The following SLC11A1 variants were observed in gnomAD, a reference collection of about 807,000 sequenced individuals.
SLC11A1 encodes solute carrier family 11 member 1.
In SLC11A1, 59 loss-of-function variants were observed where a neutral mutation model predicts 63.2. The ratio of observed to expected loss-of-function variants is 0.93; its 90% CI spans 0.76 to 1.16. The LOEUF (loss-of-function observed/expected upper bound fraction) is 1.16. SLC11A1 is among the 50% of genes most tolerant of loss of function. SLC11A1 has a pLI of 0.00. For synonymous variants in SLC11A1, 305 were observed against 307.8 expected (o/e 0.99, Z 0.09); for missense variants, 688 against 730.7 (o/e 0.94, Z 0.67).
In SLC11A1 at chr2:218,391,303, TG is replaced by T; in HGVS notation, c.1044+20del. ...TTACCAGGGGGTGAGCGCGGGTGGGTGGGGAGGGCGTGACCCAGAGAGGCTC... is the reference window on the plus strand; with the variant it reads ...TTACCAGGGGGTGAGCGCGGGTGGGTGGGAGGGCGTGACCCAGAGAGGCTC... On this transcript the variant is annotated intron_variant, in intron 10 of 14. Transcript: ENST00000233202. 3.4e-6 allele frequency: 1 copy of T among 293,186 alleles called. No individual in the cohort carries two copies. The highest frequency in any genetic ancestry group is 2.4e-5 in the South Asian group (1 of 41,866). The allele number at this position is 293,186 out of a possible 1,614,324, so 18.2% of individuals were successfully genotyped here. A position where few individuals can be genotyped will look rare whatever the true frequency, so the allele number is the denominator to read the frequency against.
Position 218,382,436 on chromosome 2 carries a change from G to A in SLC11A1, c.7+61G>A, listed in dbSNP as rs373961718. On this transcript the variant is annotated intron_variant, in intron 1 of 14. Coordinates refer to ENST00000233202, the MANE Select transcript of SLC11A1 (RefSeq NM_000578.4). The stretch of plus-strand genomic sequence containing the variant: ...GGGGTGGAGTGGAGGAGATCACTAG[G>A]CTGGTGGAGACTTGAGGAAGCAAGA... The A allele has an allele frequency of 5.9e-4, 945 of 1,592,828 alleles. 2 individuals carry two copies. The highest frequency in any genetic ancestry group is 7.4e-4 in the Non-Finnish European group (857 of 1,161,972).
intron 4 of SLC11A1, among the ~76,000 whole-genome samples, chr2:218,385,834 C>T (rs1256370426): frequency 2.0e-5 from 3 of 152,192 alleles, no homozygotes; most frequent in African/African-American, 7.2e-5. Flanking sequence ...GGGGAGGCAT[C>T]AGCTCAGGAA....
chr2:218,387,317 G>A, intron 6 of SLC11A1, 87 bp downstream of exon 6: 8 of 1,287,962 alleles, frequency 6.2e-6, no homozygotes, highest in Non-Finnish European at 8.7e-6. Context: ...CAGCCTGGGA[G>A]CGCACCTGAG....
chr2:218,384,790 G>A lies in SLC11A1; in HGVS notation c.274-357G>A, dbSNP rs916318510. On this transcript the variant is annotated intron_variant, in intron 3 of 14. Transcript: ENST00000233202. This position sits in a 1 kb window ranked among gnomAD's most constrained non-coding sequence, Gnocchi z 4.0. ...TTTAGTAGAGATGGGGTTTCACTGT[G>A]TGGGCCAGGCTGGTCTTGAACTCCT... 6 of 280,148 alleles carry A rather than the reference G, an allele frequency of 2.1e-5. No individual in the cohort carries two copies. The highest frequency in any genetic ancestry group is 1.1e-4 in the African/African-American group (5 of 43,842). The allele number at this position is 280,148 out of a possible 1,614,324, so 17.4% of individuals were successfully genotyped here.
At chr2:218,388,323 TTGCCAC>T (rs1696230906) in intron 8 of SLC11A1, 1 of 202,158 alleles carries the variant, frequency 4.9e-6, no homozygotes, top group African/African-American at 2.5e-5. Context: ...AGCCGAGATC[TTGCCAC>T]TGCACCACTC....
Position 218,394,990 on chromosome 2 carries a change from G to A in SLC11A1, c.1608G>A (p.Leu536=), listed in dbSNP as rs1277292355. ...CCCACAGCTCCCACCACCACTTCCT[G>A]TATGGGCTCCTTGAAGAGGACCAGA... ...FLAHSSHHHF[L]YGLLEEDQKG... is the part of the protein sequence containing the mutation. Residue 536 remains leucine, a synonymous_variant, in exon 15 of 15, where the codon CTG becomes CTA. Transcript: ENST00000233202. The A allele has an allele frequency of 6.2e-7, 1 of 1,612,774 alleles. No individual in the cohort carries two copies. Among genetic ancestry groups the A allele is most frequent in the Non-Finnish European group, 8.5e-7 (1 of 1,179,536 alleles).
Position 218,383,014 on chromosome 2 carries a change from C to T in SLC11A1, c.62C>T (p.Pro21Leu), listed in dbSNP as rs770894617. The T allele has an allele frequency of 5.6e-6, 9 of 1,611,388 alleles. No homozygotes were observed. Among genetic ancestry groups the T allele is most frequent in the African/African-American group, 1.4e-5 (1 of 72,886 alleles). Residue 21 changes from proline to leucine, a missense_variant, in exon 2 of 15, where the codon CCG (proline) becomes CTG (leucine). Coordinates refer to ENST00000233202, the MANE Select transcript of SLC11A1 (RefSeq NM_000578.4). The stretch of plus-strand genomic sequence containing the variant: ...TCCAGCTATGGTTCCATCTCCAGCC[C>T]GACCAGCCCGACCAGCCCAGGGCCA... ...SGSSYGSISS[P>L]TSPTSPGPQQ...
intron 4 of SLC11A1, 134 bp from the exon 5 acceptor site, chr2:218,386,501 C>T (rs1270648732): frequency 3.2e-6 from 2 of 629,452 alleles, no homozygotes; most frequent in Non-Finnish European, 5.7e-6. Flanking sequence ...CCTGTATGCT[C>T]TTCCTACATA....
chr2:218,388,050 C>T, intron 8 of SLC11A1, 95 bp downstream of exon 8: 2 of 1,372,058 alleles, frequency 1.5e-6, no homozygotes, highest in Non-Finnish European at 2.0e-6. Flanking sequence ...CTGGCTCCTT[C>T]CCTCAGGATT....
At position 218,382,856 on chromosome 2, in the gene SLC11A1, G is replaced by A. The variant is rs1370950644; in HGVS notation, c.8-104G>A. 6.1e-6 allele frequency: 9 copies of A among 1,476,450 alleles called. No individual in the cohort carries two copies. In the Admixed American group the frequency reaches 1.4e-4, roughly 24 times the overall value. The allele number at this position is 1,476,450 out of a possible 1,614,324, so 91.5% of individuals were successfully genotyped here. A position where few individuals can be genotyped will look rare whatever the true frequency, so the allele number is the denominator to read the frequency against. On this transcript the variant is annotated intron_variant, in intron 1 of 14. Transcript: ENST00000233202. ...CCCAAGATGGGGGCCAGGGACCTTA[G>A]TTTCTCCACTTTTCCGGGAGGAGGA...
At chr2:218,382,887 A>C in intron 1 of SLC11A1, 73 bp from the exon 2 acceptor site, 1 of 1,589,362 alleles carries the variant, frequency 6.3e-7, no homozygotes, top group Non-Finnish European at 8.6e-7. Context: ...GAGGAGGGAA[A>C]GGATCAGGCG....
intron 9 of SLC11A1, among the ~76,000 whole-genome samples, chr2:218,390,279 G>A (rs1018250902): frequency 2.0e-5 from 3 of 152,036 alleles, no homozygotes; most frequent in African/African-American, 7.2e-5. Flanking sequence ...TAGGGAGGGA[G>A]GTGAGCAGAC....
chr2:218,384,557 A>G lies in SLC11A1; in HGVS notation c.273+192A>G. On this transcript the variant is annotated intron_variant, in intron 3 of 14. Coordinates refer to ENST00000233202, the MANE Select transcript of SLC11A1 (RefSeq NM_000578.4). This position sits in a 1 kb window ranked among gnomAD's most constrained non-coding sequence, Gnocchi z 4.0. ...ATTTGTGTGGGGGGTAGGGGACTGGACTCCTCTCTTTAAAATATATATATG... is the reference window on the plus strand; with the variant it reads ...ATTTGTGTGGGGGGTAGGGGACTGGGCTCCTCTCTTTAAAATATATATATG... The G allele has an allele frequency of 2.8e-6, 1 of 360,276 alleles. No individual in the cohort carries two copies. Among genetic ancestry groups the G allele is most frequent in the Non-Finnish European group, 5.0e-6 (1 of 200,988 alleles). The allele number at this position is 360,276 out of a possible 1,614,324, so 22.3% of individuals were successfully genotyped here. A position where few individuals can be genotyped will look rare whatever the true frequency, so the allele number is the denominator to read the frequency against.
rs768035351 is a variant in SLC11A1, at chr2:218,393,029, C to A, written c.1213C>A (p.Arg405Ser). 1 of 1,599,414 alleles carries A rather than the reference C, an allele frequency of 6.3e-7. No individual in the cohort carries two copies. The highest frequency in any genetic ancestry group is 2.3e-5 in the East Asian group (1 of 43,748). The change falls in exon 12 of 15, where the codon CGC becomes AGC. Residue 405 changes from arginine to serine, a missense_variant. By Grantham distance (110) the Arg-to-Ser change is moderately radical (BLOSUM62 -1). Transcript: ENST00000233202. The stretch of plus-strand genomic sequence containing the variant: ...ACGCTTCGCCCGTGTCCTCCTCACC[C>A]GCTCCTGCGCCATCCTGCCCACCGT... ...WSRFARVLLT[R>S]SCAILPTVLV...
intron 4 of SLC11A1, among the ~76,000 whole-genome samples, chr2:218,386,352 T>TGAGGCA (rs1480061841): frequency 6.6e-6 from 1 of 151,368 alleles, no homozygotes; most frequent in Non-Finnish European, 1.5e-5. Context: ...CTCGGGAGGC[T>TGAGGCA]GAGGCAGGAG....
rs371489451 is a variant in SLC11A1 at position 218,389,895 on chromosome 2, G to A, written c.821G>A (p.Arg274Gln). ...VKSREIDRAR[R>Q]ADIREANMYF... ...TCTCGAGAGATAGACCGGGCCCGCC[G>A]AGCAGACATCAGAGAAGCCAACATG... Residue 274 changes from arginine to glutamine, a missense_variant, in exon 9 of 15, where the codon CGA (arginine) becomes CAA (glutamine). Coordinates refer to ENST00000233202, the MANE Select transcript of SLC11A1 (RefSeq NM_000578.4). 1.7e-4 allele frequency: 273 copies of A among 1,613,128 alleles called. No homozygotes were observed. Among genetic ancestry groups the A allele is most frequent in the East Asian group, 2.9e-4 (13 of 44,860 alleles).
rs765735773 is a variant in SLC11A1, at chr2:218,382,368, A to AATGACAGGTGAGTAG, written c.1_7+8dup. 6 of 1,613,334 alleles carry AATGACAGGTGAGTAG rather than the reference A, an allele frequency of 3.7e-6. No homozygotes were observed. Among genetic ancestry groups the AATGACAGGTGAGTAG allele is most frequent in the Non-Finnish European group, 5.1e-6 (6 of 1,179,508 alleles). ...CCAGAGTACCTGAAGTCGGCATTTC[A>AATGACAGGTGAGTAG]ATGACAGGTGAGTAGTGGCCCCTAG... On this transcript the variant is annotated 5_prime_UTR_variant, in exon 1 of 15. In the 5' UTR this introduces an upstream ATG that the reference lacks. Transcript: ENST00000233202.
At chr2:218,388,119 C>CAA in intron 8 of SLC11A1, 164 bp downstream of exon 8, 2 of 851,030 alleles carry the variant, frequency 2.4e-6, no homozygotes, top group Non-Finnish European at 3.5e-6. Context: ...CCTGTAATCC[C>CAA]AGCACTTTGG....
intron 11 of SLC11A1, chr2:218,392,151 A>C: frequency 2.8e-6 from 1 of 356,328 alleles, no homozygotes; most frequent in Non-Finnish European, 5.7e-6. Context: ...GCTCACCGCA[A>C]CCTCCACCTC....
Sources: allele counts gnomAD v4.1 joint callset (sites outside exome capture counted in the v4.1 genomes callset), GRCh38; gene constraint gnomAD v4.1.1; non-coding constraint Gnocchi (gnomAD v3.1); transcripts MANE v1.5; gene names NCBI Gene and HGNC (gene_info 2026-07-23, HGNC 2026-07-21).